Variants in NRXN1 observed in about 807,000 individuals in gnomAD.
The protein encoded by NRXN1 is neurexin 1.
In NRXN1, 39 loss-of-function variants were observed where a neutral mutation model predicts 150.9. The observed-to-expected ratio is 0.26, with a 90% CI of 0.20 to 0.34. The LOEUF is 0.34. NRXN1 is among the 10% of genes least tolerant of loss of function. The probability of loss-of-function intolerance (pLI) is 1.00; values close to 1 mark genes in which losing one functional copy is unlikely to be tolerated. For synonymous variants in NRXN1, 924 were observed against 757.0 expected (o/e 1.22, Z -3.62); for missense variants, 1,815 against 1,949.9 (o/e 0.93, Z 1.30).
At chr2:49,987,731 T>G (rs1343488166) in intron 21 of NRXN1, among the ~76,000 whole-genome samples, 5 of 150,672 alleles carry the variant, frequency 3.3e-5, no homozygotes, top group Non-Finnish European at 7.4e-5. Flanking sequence ...GAGCTAATCA[T>G]ACATAAATTT....
At chr2:50,393,673 G>T (rs545182123) in intron 17 of NRXN1, among the ~76,000 whole-genome samples, 1 of 151,996 alleles carries the variant, frequency 6.6e-6, no homozygotes, top group East Asian at 1.9e-4. Context: ...TTGTTACATC[G>T]AAGTGTTCCT....
intron 21 of NRXN1, among the ~76,000 whole-genome samples, chr2:50,015,442 A>T (rs1317124780): frequency 6.7e-6 from 1 of 150,358 alleles, no homozygotes; most frequent in Admixed American, 6.6e-5. Flanking sequence ...GGAGGAAGAA[A>T]TGAGAATAAC....
chr2:50,724,058 T>C (rs563097682), intron 5 of NRXN1, among the ~76,000 whole-genome samples: 5 of 152,330 alleles, frequency 3.3e-5, no homozygotes, highest in East Asian at 3.9e-4. Context: ...ACAAGATCCA[T>C]TGTGATGATC....
chr2:50,480,646 C>T (rs2090391641), intron 15 of NRXN1, among the ~76,000 whole-genome samples: 1 of 152,128 alleles, frequency 6.6e-6, no homozygotes, highest in African/African-American at 2.4e-5. Context: ...CTCCTTCTAG[C>T]CTTTGGGCCA....
chr2:50,083,565 A>G (rs575745355), intron 19 of NRXN1, among the ~76,000 whole-genome samples: 303 of 152,308 alleles, frequency 2.0e-3, no homozygotes, highest in Non-Finnish European at 3.1e-3. Flanking sequence ...AAACAGCAAA[A>G]GAACAAGGCT....
At chr2:50,545,803 C>G (rs1207840353) in intron 9 of NRXN1, among the ~76,000 whole-genome samples, 1 of 152,058 alleles carries the variant, frequency 6.6e-6, no homozygotes, top group African/African-American at 2.4e-5. Context: ...CTGGAGACAC[C>G]AAAATCTGTG....
rs2076898209 is a variant in NRXN1 at position 50,332,468 on chromosome 2, G to A, written c.3365-95498C>T. 1.3e-5 allele frequency among the ~76,000 whole-genome samples: 2 copies of A among 152,140 alleles called. 1 individual carries two copies. The highest frequency in any genetic ancestry group is 1.3e-4 in the Admixed American group (2 of 15,270). On this transcript the variant is annotated intron_variant, in intron 17 of 22. Coordinates refer to ENST00000401669, the MANE Select transcript of NRXN1 (RefSeq NM_001330078.2). ...GATGTATCTTAACATCACCTCCTAA[G>A]CTCACTAATGATACCTGAAAGCATT...
At chr2:50,607,742 CAAA>C (rs71955231) in intron 8 of NRXN1, among the ~76,000 whole-genome samples, 7 of 108,320 alleles carry the variant, frequency 6.5e-5, no homozygotes, top group Non-Finnish European at 1.1e-4. Flanking sequence ...CTCTAAAAAT[CAAA>C]AAAAAAAAAA....
At chr2:49,972,272 T>C (rs1457298392) in intron 21 of NRXN1, among the ~76,000 whole-genome samples, 1 of 152,304 alleles carries the variant, frequency 6.6e-6, no homozygotes, top group Middle Eastern at 3.4e-3. Flanking sequence ...GAGGGCTTGA[T>C]GGAGGCTGCT....
intron 5 of NRXN1, among the ~76,000 whole-genome samples, chr2:50,669,748 G>A (rs1227137591): frequency 2.7e-5 from 4 of 150,628 alleles, no homozygotes; most frequent in Admixed American, 1.3e-4. Flanking sequence ...AGAGATCTGA[G>A]ACAAAAATTG....
intron 18 of NRXN1, among the ~76,000 whole-genome samples, chr2:50,209,798 G>T (rs1290799606): frequency 6.6e-6 from 1 of 151,858 alleles, no homozygotes; most frequent in African/African-American, 2.4e-5. Flanking sequence ...TACACTTGTT[G>T]CAATAAAAAA....
intron 5 of NRXN1, among the ~76,000 whole-genome samples, chr2:50,793,985 G>C (rs1178153082): frequency 1.3e-5 from 2 of 152,060 alleles, no homozygotes; most frequent in Non-Finnish European, 2.9e-5. Context: ...GTTACAAGTG[G>C]AGTGGTGGTT....
At chr2:50,588,760 G>A (rs541921730) in intron 8 of NRXN1, 13 of 152,184 alleles carry the variant, frequency 8.5e-5, no homozygotes, top group African/African-American at 2.2e-4. Context: ...TGAACCCTAC[G>A]GCTCAGAGTA....
chr2:50,877,640 G>C (rs560491866), intron 5 of NRXN1, among the ~76,000 whole-genome samples: 1 of 151,852 alleles, frequency 6.6e-6, no homozygotes, highest in Non-Finnish European at 1.5e-5. Flanking sequence ...AAGGTTTCTT[G>C]AAAACAAGCA....
At chr2:50,621,567 A>C (rs1680024882) in intron 6 of NRXN1, among the ~76,000 whole-genome samples, 1 of 152,130 alleles carries the variant, frequency 6.6e-6, no homozygotes, top group Non-Finnish European at 1.5e-5. Flanking sequence ...TGTCTTCCTG[A>C]GTACATCTGA....
chr2:50,719,673 C>G (rs1287713850), intron 5 of NRXN1, among the ~76,000 whole-genome samples: 1 of 151,748 alleles, frequency 6.6e-6, no homozygotes, highest in Non-Finnish European at 1.5e-5. Flanking sequence ...AAGACTCTGT[C>G]TAAAAAAAAC....
chr2:50,914,224 GA>G lies in NRXN1; in HGVS notation c.832+7644del, dbSNP rs1236467101. On this transcript the variant is annotated intron_variant, in intron 5 of 22. Coordinates refer to ENST00000401669, the MANE Select transcript of NRXN1 (RefSeq NM_001330078.2). ...ATACAATAATGTATCTGTGTGCTGA[GA>G]AAGAAAAATCAAAGGCTTTTGGGTG... 5.3e-5 allele frequency among the ~76,000 whole-genome samples: 8 copies of G among 151,698 alleles called. No individual in the cohort carries two copies. In the East Asian group the frequency reaches 1.6e-3, roughly 30 times the overall value.
At chr2:50,467,651 C>T (rs961167448) in intron 16 of NRXN1, among the ~76,000 whole-genome samples, 1 of 150,982 alleles carries the variant, frequency 6.6e-6, no homozygotes, top group Non-Finnish European at 1.5e-5. Context: ...AATCTTAATT[C>T]TGTAATAATA....
chr2:50,914,972 A>C (rs1294658818), intron 5 of NRXN1, among the ~76,000 whole-genome samples: 1 of 151,596 alleles, frequency 6.6e-6, no homozygotes, highest in African/African-American at 2.4e-5. Flanking sequence ...GGTGAAAGGA[A>C]GACAAATAAA....
Sources: gnomAD v4.1 joint callset for allele counts (sites outside exome capture counted in the v4.1 genomes callset) on GRCh38, gnomAD v4.1.1 for gene constraint, MANE v1.5 for transcripts, NCBI Gene and HGNC (gene_info 2026-07-23, HGNC 2026-07-21) for gene names.